RNF220: variants seen among roughly 807,000 people sequenced by gnomAD.
RNF220 encodes E3 ubiquitin-protein ligase RNF220.
A neutral mutation model predicts 67.1 loss-of-function variants in RNF220; 7 were observed. The observed-to-expected ratio is 0.10, with a 90% CI of 0.06 to 0.20. The LOEUF is 0.20. Ranked by LOEUF, RNF220 falls within the 10% of genes least tolerant of loss-of-function variation. The pLI is 1.00. For synonymous variants in RNF220, 270 were observed against 283.2 expected (o/e 0.95, Z 0.47); for missense variants, 565 against 740.3 (o/e 0.76, Z 2.75).
intron 2 of RNF220, among the ~76,000 whole-genome samples, chr1:44,463,528 A>T (rs533600257): frequency 6.6e-6 from 1 of 151,918 alleles, no homozygotes; most frequent in African/African-American, 2.4e-5. Flanking sequence ...TTATATTTGT[A>T]ATTTTGTTTC....
chr1:44,554,660 C>T (rs1276165121), intron 2 of RNF220, among the ~76,000 whole-genome samples: 3 of 152,100 alleles, frequency 2.0e-5, no homozygotes, highest in African/African-American at 7.2e-5. Context: ...TGAAGCAAAC[C>T]TGTGGGGCTT....
At chr1:44,646,197 A>G (rs1330258503) in intron 12 of RNF220, among the ~76,000 whole-genome samples, 1 of 152,226 alleles carries the variant, frequency 6.6e-6, no homozygotes, top group Non-Finnish European at 1.5e-5. Context: ...CTGGGGTTAA[A>G]AGGCAGCCTC....
intron 5 of RNF220, 89 bp downstream of exon 5, chr1:44,626,487 C>G: frequency 9.9e-7 from 1 of 1,012,248 alleles, no homozygotes. Flanking sequence ...CTCCTCTCCT[C>G]TGTAGGCCAC....
At chr1:44,582,852 C>A (rs1435386709) in intron 2 of RNF220, among the ~76,000 whole-genome samples, 3 of 151,688 alleles carry the variant, frequency 2.0e-5, no homozygotes, top group African/African-American at 7.3e-5. Context: ...AGTGAAACCC[C>A]ATCTCTACTA....
intron 6 of RNF220, among the ~76,000 whole-genome samples, chr1:44,633,862 G>A (rs1282811791): frequency 6.6e-6 from 1 of 152,204 alleles, no homozygotes; most frequent in African/African-American, 2.4e-5. Flanking sequence ...TCCCAGCCCT[G>A]GCTCTAGAGT....
chr1:44,485,023 G>A (rs1656160463), intron 2 of RNF220, among the ~76,000 whole-genome samples: 1 of 152,170 alleles, frequency 6.6e-6, no homozygotes, highest in Non-Finnish European at 1.5e-5. Context: ...CGTGCCTGTA[G>A]TCCCAGCTAC....
Position 44,616,656 on chromosome 1 carries a change from C to T in RNF220, c.758+2359C>T, listed in dbSNP as rs188638745. Among the ~76,000 whole-genome samples the T allele has an allele frequency of 3.4e-3, 512 of 152,242 alleles. 1 individual carries two copies. The highest frequency in any genetic ancestry group is 0.014 in the Middle Eastern group (4 of 294). On this transcript the variant is annotated intron_variant, in intron 3 of 14. Transcript: ENST00000361799. ...TGGCAGAAAGTGGGAAAAAAAAATC[C>T]TTCTGCAGCTGGGTTCCATATTTTG...
At chr1:44,631,487 T>TCCATGTTGG (rs1293009940) in intron 5 of RNF220, among the ~76,000 whole-genome samples, 1 of 152,202 alleles carries the variant, frequency 6.6e-6, no homozygotes, top group East Asian at 1.9e-4. Context: ...GATACTGAGT[T>TCCATGTTGG]CCATGTTGGC....
chr1:44,636,323 G>A lies in RNF220; in HGVS notation c.1126+161G>A. 10 of 874,422 alleles carry A rather than the reference G, an allele frequency of 1.1e-5. No individual in the cohort carries two copies. In the Middle Eastern group the frequency reaches 2.1e-3, roughly 186 times the overall value. 54.2% of individuals were successfully genotyped at this position (874,422 alleles called of 1,614,324 possible). A position where few individuals can be genotyped will look rare whatever the true frequency, so the allele number is the denominator to read the frequency against. Reference sequence around the variant, plus strand: ...GGGCTCCTTTGTGACCGTGCTGCCTGCCTGTGATGTGCATATTAAAATGGA... The same window carrying A: ...GGGCTCCTTTGTGACCGTGCTGCCTACCTGTGATGTGCATATTAAAATGGA... On this transcript the variant is annotated intron_variant, in intron 8 of 14. Transcript: ENST00000361799.
intron 2 of RNF220, among the ~76,000 whole-genome samples, chr1:44,492,543 C>T (rs10082259): frequency 0.67 from 102,126 of 152,078 alleles, 36,458 homozygotes; most frequent in Middle Eastern, 0.81. Context: ...AATGGATAAA[C>T]ACAAATGTGA....
chr1:44,413,121 G>C (rs1648149591), intron 2 of RNF220, among the ~76,000 whole-genome samples: 1 of 152,104 alleles, frequency 6.6e-6, no homozygotes, highest in Admixed American at 6.6e-5. Context: ...CGTTATGTTT[G>C]TCTGATCTCA....
At chr1:44,469,022 T>C (rs1468360415) in intron 2 of RNF220, among the ~76,000 whole-genome samples, 1 of 152,188 alleles carries the variant, frequency 6.6e-6, no homozygotes, top group Non-Finnish European at 1.5e-5. Flanking sequence ...CTAATTTCTT[T>C]AATCTACAGA....
At chr1:44,522,781 T>C (rs894424909) in intron 2 of RNF220, among the ~76,000 whole-genome samples, 3 of 152,316 alleles carry the variant, frequency 2.0e-5, no homozygotes, top group Non-Finnish European at 2.9e-5. Flanking sequence ...TATAATTTGC[T>C]CACAAACTTA....
At chr1:44,466,864 G>A (rs1442819886) in intron 2 of RNF220, among the ~76,000 whole-genome samples, 2 of 152,128 alleles carry the variant, frequency 1.3e-5, no homozygotes, top group African/African-American at 4.8e-5. Context: ...AATTTTTAAG[G>A]GCCCTAGGAT....
intron 2 of RNF220, among the ~76,000 whole-genome samples, chr1:44,556,906 T>C (rs1558040824): frequency 6.6e-6 from 1 of 151,796 alleles, no homozygotes; most frequent in Non-Finnish European, 1.5e-5. Context: ...CAGATGTTGC[T>C]AGACAGGGAG....
intron 2 of RNF220, among the ~76,000 whole-genome samples, chr1:44,451,499 C>T (rs1652681807): frequency 6.6e-6 from 1 of 152,146 alleles, no homozygotes; most frequent in African/African-American, 2.4e-5. Context: ...CTCTCCATTA[C>T]ATTATGATAT....
At chr1:44,485,585 GC>G (rs1420462806) in intron 2 of RNF220, among the ~76,000 whole-genome samples, 4 of 152,216 alleles carry the variant, frequency 2.6e-5, no homozygotes, top group African/African-American at 9.6e-5. Context: ...TAGTCAGGCA[GC>G]CGCTGGAGCC....
At chr1:44,556,624 A>C (rs1469762220) in intron 2 of RNF220, among the ~76,000 whole-genome samples, 2 of 150,578 alleles carry the variant, frequency 1.3e-5, no homozygotes, top group Non-Finnish European at 2.9e-5. Flanking sequence ...CAGTGGCATG[A>C]TCTTGGCTCA....
chr1:44,636,276 C>T, intron 8 of RNF220, 114 bp downstream of exon 8: 1 of 1,367,104 alleles, frequency 7.3e-7, no homozygotes, highest in African/African-American at 1.4e-5. Flanking sequence ...TCCGTTCCAC[C>T]ACGTGGGGAC....
Sources: allele counts gnomAD v4.1 joint callset (sites outside exome capture counted in the v4.1 genomes callset), GRCh38; gene constraint gnomAD v4.1.1; transcripts MANE v1.5; gene names NCBI Gene and HGNC (gene_info 2026-07-23, HGNC 2026-07-21).